Variants in ABLIM1 observed in about 807,000 individuals in gnomAD.
The protein encoded by ABLIM1 is actin-binding LIM protein 1.
A neutral mutation model predicts 107.0 loss-of-function variants in ABLIM1; 40 were observed. The observed-to-expected ratio is 0.37, with a 90% confidence interval of 0.29 to 0.49. The LOEUF is 0.49. Ranked by LOEUF, ABLIM1 falls within the 20% of genes least tolerant of loss-of-function variation. The probability of loss-of-function intolerance (pLI) is 0.97; values close to 1 mark genes in which losing one functional copy is unlikely to be tolerated. For missense variants in ABLIM1, 857 were observed against 1,008.5 expected, an observed-to-expected ratio of 0.85 and a Z score of 2.04; for synonymous variants, 357 against 357.3, an observed-to-expected ratio of 1.00 and a Z score of 0.01.
chr10:114,496,975 A>G (rs557247087), intron 6 of ABLIM1, among the ~76,000 whole-genome samples: 1 of 152,368 alleles, frequency 6.6e-6, no homozygotes, highest in East Asian at 1.9e-4. Flanking sequence ...CAAGGCCAGG[A>G]AAAGTAACAG....
At chr10:114,742,682 A>G (rs1293577406) in intron 1 of ABLIM1, among the ~76,000 whole-genome samples, 1 of 152,162 alleles carries the variant, frequency 6.6e-6, no homozygotes, top group Non-Finnish European at 1.5e-5. Context: ...TAATCCCAGC[A>G]CTTTGGGAGG....
At chr10:114,668,368 T>C (rs2080111542) in intron 1 of ABLIM1, among the ~76,000 whole-genome samples, 1 of 152,160 alleles carries the variant, frequency 6.6e-6, no homozygotes, top group Admixed American at 6.5e-5. Context: ...GCCATTCCTT[T>C]CTTACATGGG....
intron 1 of ABLIM1, among the ~76,000 whole-genome samples, chr10:114,719,900 A>G (rs773246788): frequency 1.3e-5 from 2 of 152,230 alleles, no homozygotes; most frequent in Non-Finnish European, 2.9e-5. Flanking sequence ...AGTGTCTATG[A>G]GCATAAACAA....
At chr10:114,475,646 TAG>T (rs1222463322) in intron 8 of ABLIM1, among the ~76,000 whole-genome samples, 2 of 152,156 alleles carry the variant, frequency 1.3e-5, no homozygotes, top group African/African-American at 2.4e-5. Flanking sequence ...CCTAACTATA[TAG>T]AGAGTCACTG....
intron 1 of ABLIM1, among the ~76,000 whole-genome samples, chr10:114,644,280 CAAAAAAAA>C (rs1170954656): frequency 9.7e-4 from 18 of 18,630 alleles, no homozygotes; most frequent in African/African-American, 2.7e-3. Flanking sequence ...GACTCCATCT[CAAAAAAAA>C]AAAAAAAAAA....
exon 1 of ABLIM1, chr10:114,684,531 A>C: frequency 7.1e-7 from 1 of 1,405,334 alleles, no homozygotes; most frequent in East Asian, 2.5e-5. Flanking sequence ...CGCAGGAAGA[A>C]TGAGGAGTTT....
At position 114,653,126 on chromosome 10, in the gene ABLIM1, T is replaced by C. The variant is rs1033792950; in HGVS notation, c.244+4831A>G. Among the ~76,000 whole-genome samples the C allele has an allele frequency of 2.6e-5, 4 of 152,304 alleles. No individual in the cohort carries two copies. The South Asian group carries it at 6.2e-4, about 24-fold the overall frequency. The stretch of plus-strand genomic sequence containing the variant: ...CAGACCTAAGCCCAAATCTAGTACT[T>C]ATGTGACCTTTGGCAGGTCTCTTAA... On this transcript the variant is annotated intron_variant, in intron 1 of 22. Transcript: ENST00000533213.
At chr10:114,708,511 A>T (rs1360374292) in intron 1 of ABLIM1, among the ~76,000 whole-genome samples, 2 of 152,124 alleles carry the variant, frequency 1.3e-5, no homozygotes, top group African/African-American at 4.8e-5. Flanking sequence ...ACACCCATTA[A>T]AGTAAGTTGT....
intron 1 of ABLIM1, among the ~76,000 whole-genome samples, chr10:114,738,291 C>G (rs564411456): frequency 6.6e-6 from 1 of 152,276 alleles, no homozygotes; most frequent in East Asian, 1.9e-4. Flanking sequence ...TTCAAGTGAT[C>G]CACCCACCTT....
At chr10:114,692,520 C>T (rs538740838) in intron 1 of ABLIM1, among the ~76,000 whole-genome samples, 13 of 152,274 alleles carry the variant, frequency 8.5e-5, no homozygotes, top group African/African-American at 2.9e-4. Context: ...AAAAACCTTT[C>T]CCCCCATCAT....
At chr10:114,789,783 G>T in the ABLIM1 span, among the ~76,000 whole-genome samples, 1 of 147,946 alleles carries the variant, frequency 6.8e-6, no homozygotes, top group African/African-American at 2.5e-5. Context: ...TTTTTTGCAT[G>T]TATATTTGTT....
chr10:114,773,539 C>T, the ABLIM1 span, among the ~76,000 whole-genome samples: 4 of 152,208 alleles, frequency 2.6e-5, no homozygotes, highest in Non-Finnish European at 4.4e-5. Context: ...CCAGCCAACA[C>T]GGTGAAACCC....
At chr10:114,484,485 C>G (rs1180794693) in intron 8 of ABLIM1, among the ~76,000 whole-genome samples, 2 of 152,096 alleles carry the variant, frequency 1.3e-5, no homozygotes, top group Non-Finnish European at 2.9e-5. Context: ...AGGGTTCAAA[C>G]AATTCTCCTG....
At chr10:114,597,889 C>T (rs1430100473) in intron 2 of ABLIM1, among the ~76,000 whole-genome samples, 2 of 152,146 alleles carry the variant, frequency 1.3e-5, no homozygotes, top group Non-Finnish European at 2.9e-5. Flanking sequence ...GTGAGGGAAC[C>T]ACAGGAATGC....
At chr10:114,779,954 G>T in the ABLIM1 span, 1 of 152,046 alleles carries the variant, frequency 6.6e-6, no homozygotes, top group South Asian at 2.1e-4. Flanking sequence ...TGCCTTCCAG[G>T]GAGGCTGTGG....
intron 1 of ABLIM1, among the ~76,000 whole-genome samples, chr10:114,663,999 A>G (rs945281427): frequency 5.3e-5 from 8 of 152,100 alleles, no homozygotes; most frequent in Admixed American, 1.3e-4. Flanking sequence ...AAAAGCTCTG[A>G]CTCACTCTGG....
At chr10:114,505,584 A>G (rs1048524163) in intron 6 of ABLIM1, among the ~76,000 whole-genome samples, 2 of 152,230 alleles carry the variant, frequency 1.3e-5, no homozygotes, top group African/African-American at 4.8e-5. Context: ...CCCTTTATTT[A>G]ATATCTTAGT....
At chr10:114,617,036 G>T (rs941237203) in intron 1 of ABLIM1, among the ~76,000 whole-genome samples, 51 of 152,152 alleles carry the variant, frequency 3.4e-4, no homozygotes, top group Admixed American at 1.0e-3. Context: ...TTATAAACAC[G>T]ACTTACTTTT....
chr10:114,639,473 C>T (rs774801500), intron 1 of ABLIM1, among the ~76,000 whole-genome samples: 2 of 152,188 alleles, frequency 1.3e-5, no homozygotes, highest in Non-Finnish European at 2.9e-5. Context: ...CCACACAGGC[C>T]GCCTGATTAA....
Sources: allele counts gnomAD v4.1 joint callset (sites outside exome capture counted in the v4.1 genomes callset), GRCh38; gene constraint gnomAD v4.1.1; transcripts MANE v1.5; gene names NCBI Gene and HGNC (gene_info 2026-07-23, HGNC 2026-07-21).